The following PLCD4 variants were observed in gnomAD, a reference collection of about 807,000 sequenced individuals.
PLCD4 encodes the protein phospholipase C delta 4.
Under a neutral mutation model 90.2 loss-of-function variants are expected in PLCD4, and 63 were observed. That is an observed-to-expected ratio of 0.70 (90% CI 0.57 to 0.86). The LOEUF is 0.86. PLCD4 is among the 40% of genes least tolerant of loss of function. The probability of loss-of-function intolerance (pLI) is 0.00; values close to 1 mark genes in which losing one functional copy is unlikely to be tolerated. For missense variants in PLCD4, 830 were observed against 956.3 expected (o/e 0.87, Z 1.74); for synonymous variants, 294 against 356.5 (o/e 0.82, Z 1.97).
intron 6 of PLCD4, among the ~76,000 whole-genome samples, chr2:218,625,089 T>A (rs1459523777): frequency 8.0e-6 from 1 of 124,780 alleles, no homozygotes; most frequent in Admixed American, 1.0e-4. Flanking sequence ...CACTCCAGCC[T>A]GGGCGACAGA....
intron 8 of PLCD4, 22 bp from the exon 9 acceptor site, chr2:218,630,628 T>C (rs2106154487): frequency 6.2e-7 from 1 of 1,613,936 alleles, no homozygotes; most frequent in Non-Finnish European, 8.5e-7. Flanking sequence ...CTGAATCCAT[T>C]GTTCCCTCCC....
chr2:218,634,140 A>T lies in PLCD4; in HGVS notation c.1642A>T (p.Ser548Cys). 1 of 1,612,612 alleles carries T rather than the reference A, an allele frequency of 6.2e-7. No individual in the cohort carries two copies. The highest frequency in any genetic ancestry group is 8.5e-7 in the Non-Finnish European group (1 of 1,179,352). The change falls in exon 12 of 16, where the codon AGC (serine) becomes TGC (cysteine). Residue 548 changes from serine (S) to cysteine (C), a missense_variant. Transcript: ENST00000450993. This position sits in a 1 kb window ranked among gnomAD's most constrained non-coding sequence, Gnocchi z 4.0. ...TGTGCAGCACAATACTTGGCAGTTAAGCCGTGTGTATCCCAGCGGCCTGAG... is the reference window on the plus strand; with the variant it reads ...TGTGCAGCACAATACTTGGCAGTTATGCCGTGTGTATCCCAGCGGCCTGAG... Reference protein sequence around the residue: ...EFVQHNTWQLSRVYPSGLRTD... With the variant: ...EFVQHNTWQLCRVYPSGLRTD...
intron 8 of PLCD4, among the ~76,000 whole-genome samples, 198 bp from the exon 9 acceptor site, chr2:218,630,452 T>C (rs773839360): frequency 1.3e-4 from 20 of 152,198 alleles, no homozygotes; most frequent in Non-Finnish European, 2.2e-4. Flanking sequence ...AATATGTCTT[T>C]AGATGTGGGC....
At chr2:218,613,923 T>A (rs1166334757) in intron 1 of PLCD4, among the ~76,000 whole-genome samples, 1 of 152,094 alleles carries the variant, frequency 6.6e-6, no homozygotes, top group African/African-American at 2.4e-5. Flanking sequence ...CATATCAAAT[T>A]TTCTAGTCCT....
At chr2:218,612,577 G>A (rs1695389257) in intron 1 of PLCD4, among the ~76,000 whole-genome samples, 1 of 152,176 alleles carries the variant, frequency 6.6e-6, no homozygotes. Context: ...TTGGAGACCA[G>A]CCTGGCCAAC....
chr2:218,622,759 A>G lies in PLCD4; in HGVS notation c.653A>G (p.Asp218Gly), dbSNP rs1464617142. 1 of 1,613,962 alleles carries G rather than the reference A, an allele frequency of 6.2e-7. No individual in the cohort carries two copies. The highest frequency in any genetic ancestry group is 1.1e-5 in the South Asian group (1 of 91,082). Residue 218 changes from aspartate (D) to glycine (G), a missense_variant, in exon 6 of 16, where the codon GAT (aspartate) becomes GGT (glycine). Asp to Gly is a moderately conservative substitution (Grantham distance 94). Coordinates refer to ENST00000450993, the MANE Select transcript of PLCD4 (RefSeq NM_032726.4). Reference protein sequence around the residue: ...VQELFESFSADGQKLTLLEFL... With the variant: ...VQELFESFSAGGQKLTLLEFL... ...GAACTGTTTGAAAGTTTTTCAGCTG[A>G]TGGGCAGAAGCTGACTCTGCTGGAA...
intron 1 of PLCD4, among the ~76,000 whole-genome samples, chr2:218,611,216 A>G (rs1326171205): frequency 6.6e-6 from 1 of 152,186 alleles, no homozygotes; most frequent in Non-Finnish European, 1.5e-5. Context: ...GTGAATACAG[A>G]TTTAAAATAG....
At chr2:218,633,561 G>A (rs1310746592) in intron 10 of PLCD4, 44 bp from the exon 11 acceptor site, 1 of 1,593,820 alleles carries the variant, frequency 6.3e-7, no homozygotes, top group African/African-American at 1.3e-5. Flanking sequence ...TTCTCTCTCA[G>A]ACTGCTGAGG....
chr2:218,621,547 T>A lies in PLCD4; in HGVS notation c.488T>A (p.Leu163Ter). ...AGTTTCCAAGAAGTTCAGCGGTTATTGCACCTAATGAATGTGGAAATGGAC... is the reference window on the plus strand; with the variant it reads ...AGTTTCCAAGAAGTTCAGCGGTTATAGCACCTAATGAATGTGGAAATGGAC... ...KMSFQEVQRL[L>*]HLMNVEMDQE... The change falls in exon 5 of 16, where the codon TTG becomes TAG. Residue 163 changes from leucine to a stop codon, truncating the protein, a stop_gained. Transcript: ENST00000450993. LOFTEE classifies it high-confidence loss of function. 1 of 1,614,048 alleles carries A rather than the reference T, an allele frequency of 6.2e-7. No individual in the cohort carries two copies.
At chr2:218,618,034 CCGAGAT>C (rs796576645) in intron 3 of PLCD4, among the ~76,000 whole-genome samples, 6 of 152,236 alleles carry the variant, frequency 3.9e-5, no homozygotes, top group African/African-American at 1.4e-4. Context: ...TTGCAGTGAG[CCGAGAT>C]CGCGCCACTG....
rs1301541481 is a variant in PLCD4 at position 218,629,534 on chromosome 2, G to A, written c.990G>A (p.Gly330=). ...GTTCTTTCAGGGCCCTGAAGCGGGG[G>A]TGCCGCTGCGTGGAGGTGGATGTAT... is the stretch of plus-strand genomic sequence containing the variant. The part of the protein sequence containing the change: ...VEGYIRALKR[G]CRCVEVDVWD... The change falls in exon 8 of 16, where the codon GGG becomes GGA. Residue 330 remains glycine (G), a synonymous_variant. Transcript: ENST00000450993. 2.5e-6 allele frequency: 4 copies of A among 1,613,598 alleles called. No homozygotes were observed. The highest frequency in any genetic ancestry group is 1.3e-5 in the African/African-American group (1 of 74,854).
At chr2:218,626,848 C>A (rs1696140011) in intron 6 of PLCD4, among the ~76,000 whole-genome samples, 1 of 152,234 alleles carries the variant, frequency 6.6e-6, no homozygotes. Flanking sequence ...TTGGCCATGT[C>A]ACTAAGCCTT....
chr2:218,621,432 A>G (rs1695876311), intron 4 of PLCD4, 38 bp from the exon 5 acceptor site: 1 of 1,607,670 alleles, frequency 6.2e-7, no homozygotes, highest in Non-Finnish European at 8.5e-7. Flanking sequence ...GCACACACAA[A>G]CAGATACATT....
chr2:218,625,861 G>T (rs1170779809), intron 6 of PLCD4, among the ~76,000 whole-genome samples: 1 of 152,166 alleles, frequency 6.6e-6, no homozygotes, highest in Non-Finnish European at 1.5e-5. Flanking sequence ...TTGAACCCGG[G>T]AGGCGGAGGT....
chr2:218,622,211 GA>G (rs1481617646), intron 5 of PLCD4: 1 of 155,612 alleles, frequency 6.4e-6, no homozygotes, highest in Non-Finnish European at 1.4e-5. Flanking sequence ...TAGAACAATG[GA>G]AAACCCCAGC....
chr2:218,616,044 G>A lies in PLCD4; in HGVS notation c.163G>A (p.Gly55Ser). 2 of 1,613,620 alleles carry A rather than the reference G, an allele frequency of 1.2e-6. No individual in the cohort carries two copies. The highest frequency in any genetic ancestry group is 1.7e-6 in the Non-Finnish European group (2 of 1,179,754). The stretch of plus-strand genomic sequence containing the variant: ...AGTCTGGCATGCACGGCAGGCCAGG[G>A]GCAGTGCCAAGCCCAGCTGTGAGTG... Reference protein sequence around the residue: ...MTVWHARQARGSAKPSFSISD... With the variant: ...MTVWHARQARSSAKPSFSISD... Residue 55 changes from glycine to serine, a missense_variant, in exon 3 of 16, where the codon GGC (glycine) becomes AGC (serine). By Grantham distance (56) the Gly-to-Ser change is moderately conservative. Transcript: ENST00000450993.
At position 218,630,178 on chromosome 2, in the gene PLCD4, C is replaced by CA. The variant is rs578237044; in HGVS notation, c.1120-466dup. Among the ~76,000 whole-genome samples, 359 of 152,230 alleles carry CA rather than the reference C, an allele frequency of 2.4e-3. 1 individual carries two copies. The Middle Eastern group carries it at 0.027, about 12-fold the overall frequency. ...GGGCAGCAAGAGTGAAACTCCATCT[C>CA]AAAAAACAAAACAAAACAAAAAACT... On this transcript the variant is annotated intron_variant, in intron 8 of 15. Coordinates refer to ENST00000450993, the MANE Select transcript of PLCD4 (RefSeq NM_032726.4).
At chr2:218,618,964 C>A (rs1273471204) in intron 4 of PLCD4, 157 bp downstream of exon 4, 3 of 633,064 alleles carry the variant, frequency 4.7e-6, no homozygotes, top group Non-Finnish European at 8.2e-6. Context: ...CAATGTGAGA[C>A]TGAGAATACT....
At chr2:218,611,428 A>G (rs1019790088) in intron 1 of PLCD4, among the ~76,000 whole-genome samples, 2 of 152,140 alleles carry the variant, frequency 1.3e-5, no homozygotes, top group African/African-American at 4.8e-5. Flanking sequence ...ACACAGGCGT[A>G]AGGGAAGGTA....
Sources: allele counts gnomAD v4.1 joint callset (sites outside exome capture counted in the v4.1 genomes callset), GRCh38; gene constraint gnomAD v4.1.1; non-coding constraint Gnocchi (gnomAD v3.1); transcripts MANE v1.5; gene names NCBI Gene and HGNC (gene_info 2026-07-23, HGNC 2026-07-21).